LRP2: variants seen among roughly 807,000 people sequenced by gnomAD.
LRP2 encodes the protein low-density lipoprotein receptor-related protein 2.
LRP2 carries 172 observed loss-of-function variants against 531.0 expected under a neutral mutation model. That is an observed-to-expected ratio of 0.32 (90% CI 0.29 to 0.37). The LOEUF is 0.37. Among genes scored for constraint, LRP2 ranks in the 10% least tolerant of loss-of-function variants. LRP2 has a pLI of 1.00. For synonymous variants in LRP2, 1,992 were observed against 2,027.6 expected (o/e 0.98, Z 0.47); for missense variants, 5,167 against 5,868.3 (o/e 0.88, Z 3.90).
intron 3 of LRP2, among the ~76,000 whole-genome samples, chr2:169,315,170 T>C (rs1391841896): frequency 6.6e-6 from 1 of 152,224 alleles, no homozygotes; most frequent in African/African-American, 2.4e-5. Context: ...TATTCATTAA[T>C]TACACAAACA....
At chr2:169,173,475 A>T (rs1687076222) in intron 56 of LRP2, among the ~76,000 whole-genome samples, 1 of 152,198 alleles carries the variant, frequency 6.6e-6, no homozygotes, top group Non-Finnish European at 1.5e-5. Flanking sequence ...GGGGAAGGAC[A>T]GGGTTTGAAG....
intron 70 of LRP2, among the ~76,000 whole-genome samples, chr2:169,143,809 G>A (rs1053356853): frequency 6.6e-6 from 1 of 152,102 alleles, no homozygotes; most frequent in African/African-American, 2.4e-5. Flanking sequence ...TTTATCCAAG[G>A]GTTGTACTGG....
At chr2:169,207,299 A>C in intron 38 of LRP2, 49 bp from the exon 39 acceptor site, 1 of 1,335,810 alleles carries the variant, frequency 7.5e-7, no homozygotes. Context: ...ACCAAGAAGA[A>C]AAAAAGGGAG....
intron 57 of LRP2, among the ~76,000 whole-genome samples, chr2:169,172,411 A>G (rs1255575443): frequency 1.3e-5 from 2 of 152,216 alleles, no homozygotes; most frequent in East Asian, 1.9e-4. Flanking sequence ...CTGGTATGGG[A>G]GGCTAAAATG....
chr2:169,218,287 T>A (rs1033149904), intron 34 of LRP2, among the ~76,000 whole-genome samples: 1 of 152,178 alleles, frequency 6.6e-6, no homozygotes, highest in Admixed American at 6.6e-5. Flanking sequence ...CCTTTGCTCT[T>A]GACCTTCCAT....
chr2:169,340,841 T>C (rs1356856924), intron 1 of LRP2, among the ~76,000 whole-genome samples: 1 of 151,976 alleles, frequency 6.6e-6, no homozygotes, highest in Non-Finnish European at 1.5e-5. Flanking sequence ...CATGATGGAG[T>C]TGCTTTACTA....
chr2:169,356,481 T>A (rs568038933), intron 1 of LRP2, among the ~76,000 whole-genome samples: 46 of 152,350 alleles, frequency 3.0e-4, no homozygotes, highest in African/African-American at 1.1e-3. Context: ...CATTTCACAT[T>A]CATTGCCTTT....
At chr2:169,289,948 C>CA (rs1683957252) in intron 8 of LRP2, among the ~76,000 whole-genome samples, 1 of 151,982 alleles carries the variant, frequency 6.6e-6, no homozygotes, top group Non-Finnish European at 1.5e-5. Context: ...TGTCAGGAAA[C>CA]AAAAAATAAC....
chr2:169,181,725 CAGACTGCATTCTGAATTCTTTTCTG>C lies in LRP2; in HGVS notation c.9999-132_9999-108del, dbSNP rs67061649. ...GAAATGGAGTCTGCATTCTGTAGAG[CAGACTGCATTCTGAATTCTTTTCTG>C]CATTCAGAAAAGAAAGAGAGCTAAC... On this transcript the variant is annotated intron_variant, in intron 51 of 78. Coordinates refer to ENST00000649046, the MANE Select transcript of LRP2 (RefSeq NM_004525.3). 0.73 allele frequency: 720,288 copies of C among 991,120 alleles called. 265,125 individuals are homozygous for C. Among genetic ancestry groups the C allele is most frequent in the South Asian group, 0.85 (62,404 of 73,698 alleles). The allele number at this position is 991,120 out of a possible 1,614,324, so 61.4% of individuals were successfully genotyped here.
chr2:169,282,959 C>T lies in LRP2; in HGVS notation c.1085G>A (p.Cys362Tyr). The T allele has an allele frequency of 6.2e-7, 1 of 1,614,128 alleles. No individual in the cohort carries two copies. The highest frequency in any genetic ancestry group is 8.5e-7 in the Non-Finnish European group (1 of 1,179,998). The change falls in exon 10 of 79, where the codon TGT becomes TAT. Residue 362 changes from cysteine to tyrosine, a missense_variant. Transcript: ENST00000649046. ...CQIWGICDQK[C>Y]ESRPGRHLCH... Reference sequence around the variant, plus strand: ...CAGGTGACGGCCAGGTCGGCTTTCACACTTCTGGTCACAAATTCCCCATAT... The same window carrying T: ...CAGGTGACGGCCAGGTCGGCTTTCATACTTCTGGTCACAAATTCCCCATAT...
chr2:169,349,019 A>C (rs1420945318), intron 1 of LRP2, among the ~76,000 whole-genome samples: 1 of 152,220 alleles, frequency 6.6e-6, no homozygotes, highest in Non-Finnish European at 1.5e-5. Context: ...ACATCTGTCC[A>C]TTCATTTATT....
At chr2:169,356,155 G>A (rs113748830) in intron 1 of LRP2, among the ~76,000 whole-genome samples, 3,720 of 152,280 alleles carry the variant, frequency 0.024, 51 homozygotes, top group Middle Eastern at 0.034. Context: ...GACTCCCAAA[G>A]TGCTGAGATT....
chr2:169,294,806 T>C, intron 4 of LRP2, 96 bp from the exon 5 acceptor site: 1 of 754,264 alleles, frequency 1.3e-6, no homozygotes, highest in Non-Finnish European at 2.3e-6. Flanking sequence ...GATTACTATA[T>C]GCAAGTCACT....
At chr2:169,353,298 G>A (rs1045187910) in intron 1 of LRP2, among the ~76,000 whole-genome samples, 5 of 152,250 alleles carry the variant, frequency 3.3e-5, no homozygotes, top group African/African-American at 7.2e-5. Flanking sequence ...AAGGAAACAC[G>A]TAGCCCCATT....
chr2:169,187,952 A>G lies in LRP2; in HGVS notation c.9328+18T>C, dbSNP rs1472269946. On this transcript the variant is annotated intron_variant, in intron 49 of 78. Transcript: ENST00000649046. ...AGTCTCCCCTGTTTCCTTTTCCCAA[A>G]TCCTCTGTTGTACTCACCACAGCCT... 6.2e-7 allele frequency: 1 copy of G among 1,613,540 alleles called. No individual in the cohort carries two copies. The highest frequency in any genetic ancestry group is 8.5e-7 in the Non-Finnish European group (1 of 1,179,770).
intron 60 of LRP2, 55 bp downstream of exon 60, chr2:169,169,647 C>T: frequency 7.3e-7 from 1 of 1,378,036 alleles, no homozygotes; most frequent in East Asian, 2.3e-5. Flanking sequence ...GATGTCTAAA[C>T]TATCATATCC....
At chr2:169,165,529 C>T (rs780796336) in intron 62 of LRP2, among the ~76,000 whole-genome samples, 1 of 152,140 alleles carries the variant, frequency 6.6e-6, no homozygotes, top group Non-Finnish European at 1.5e-5. Flanking sequence ...TGGGCACCTG[C>T]CTAGATTAGC....
intron 51 of LRP2, 93 bp downstream of exon 51, chr2:169,182,074 T>C (rs1559000463): frequency 9.2e-6 from 14 of 1,516,536 alleles, no homozygotes; most frequent in South Asian, 1.1e-5. Context: ...CAGCAAGACA[T>C]TGGCCTTGAG....
intron 50 of LRP2, among the ~76,000 whole-genome samples, chr2:169,184,051 T>C (rs1687536853): frequency 6.6e-6 from 1 of 152,178 alleles, no homozygotes; most frequent in Non-Finnish European, 1.5e-5. Context: ...TTTAATTCTC[T>C]TCTGATAAAG....
Sources: gnomAD v4.1 joint callset for allele counts (sites outside exome capture counted in the v4.1 genomes callset) on GRCh38, gnomAD v4.1.1 for gene constraint, MANE v1.5 for transcripts, NCBI Gene and HGNC (gene_info 2026-07-23, HGNC 2026-07-21) for gene names.